The following S1PR1 variants were observed in gnomAD, a reference collection of about 807,000 sequenced individuals.
S1PR1 encodes sphingosine 1-phosphate receptor 1.
A neutral mutation model predicts 18.3 loss-of-function variants in S1PR1; 2 were observed. The observed-to-expected ratio is 0.11, with a 90% CI of 0.04 to 0.34. The LOEUF (loss-of-function observed/expected upper bound fraction) is 0.34, where lower values mean the gene tolerates loss of function less well. Ranked by LOEUF, S1PR1 falls within the 10% of genes least tolerant of loss-of-function variation. The pLI is 1.00. For missense variants in S1PR1, 335 were observed against 493.8 expected (o/e 0.68, Z 3.05); for synonymous variants, 222 against 211.2 (o/e 1.05, Z -0.44).
At position 101,239,348 on chromosome 1, in the gene S1PR1, G is replaced by A. The variant is rs1459080234; in HGVS notation, c.364G>A (p.Gly122Arg). 1.2e-6 allele frequency: 2 copies of A among 1,614,206 alleles called. No individual in the cohort carries two copies. Among genetic ancestry groups the A allele is most frequent in the Non-Finnish European group, 1.7e-6 (2 of 1,180,042 alleles). ...LTPAQWFLRE[G>R]SMFVALSASV... ...TCCCGCCCAGTGGTTTCTGCGGGAA[G>A]GGAGTATGTTTGTGGCCCTGTCAGC... is the stretch of plus-strand genomic sequence containing the variant. The change falls in exon 2 of 2, where the codon GGG becomes AGG. Residue 122 changes from glycine to arginine, a missense_variant. Physicochemically the swap from Gly to Arg is moderately radical, Grantham distance 125. Around this residue, in one of 3 missense-constraint regions of S1PR1, gnomAD observed 214 missense variants for 366.6 expected, o/e 0.58. Transcript: ENST00000305352. This position sits in a 1 kb window ranked among gnomAD's most constrained non-coding sequence, Gnocchi z 6.3.
rs778018608 is a variant in S1PR1, at chr1:101,239,618, C to T, written c.634C>T (p.Leu212=). ...YILFCTTVFT[L]LLLSIVILYC... ...CCTCTTCTGCACCACGGTCTTCACT[C>T]TGCTTCTGCTCTCCATCGTCATTCT... The change falls in exon 2 of 2, where the codon CTG becomes TTG. Residue 212 remains leucine, a synonymous_variant. Coordinates refer to ENST00000305352, the MANE Select transcript of S1PR1 (RefSeq NM_001400.5). The surrounding 1 kb of genome is among the most constrained non-coding windows in gnomAD (Gnocchi z 6.3). 1.2e-6 allele frequency: 2 copies of T among 1,614,028 alleles called. No individual in the cohort carries two copies. Among genetic ancestry groups the T allele is most frequent in the African/African-American group, 2.7e-5 (2 of 74,922 alleles).
chr1:101,241,712 C>T (rs190711051), downstream of S1PR1, among the ~76,000 whole-genome samples: 15 of 152,284 alleles, frequency 9.9e-5, no homozygotes, highest in Non-Finnish European at 1.5e-5. Flanking sequence ...AATAAGTTAA[C>T]ACTGAAGAGT....
Position 101,240,760 on chromosome 1 carries a change from C to T in S1PR1, c.*627C>T, listed in dbSNP as rs766059742. The T allele has an allele frequency of 6.0e-6, 1 of 167,244 alleles. No homozygotes were observed. The highest frequency in any genetic ancestry group is 6.5e-5 in the Admixed American group (1 of 15,284). 10.4% of individuals were successfully genotyped at this position (167,244 alleles called of 1,614,324 possible). On this transcript the variant is annotated 3_prime_UTR_variant, in exon 2 of 2. Transcript: ENST00000305352. Reference sequence around the variant, plus strand: ...ATGGTTTGGAGGTGTAAAACAATGTCCTTCGCTGAGGCCAAAGTTTCCATG... The same window carrying T: ...ATGGTTTGGAGGTGTAAAACAATGTTCTTCGCTGAGGCCAAAGTTTCCATG...
rs201779585 is a variant in S1PR1 at position 101,238,865 on chromosome 1, A to G, written c.-120A>G. On this transcript the variant is annotated 5_prime_UTR_variant, in exon 2 of 2. Transcript: ENST00000305352. ...CTCTCCAGCCAAGGAAAAGCTACAC[A>G]AAAAGCCTGGATCACTCATCGAACC... is the stretch of plus-strand genomic sequence containing the variant. 2.1e-6 allele frequency: 2 copies of G among 968,386 alleles called. No homozygotes were observed. Among genetic ancestry groups the G allele is most frequent in the East Asian group, 2.6e-5 (1 of 38,240 alleles). The allele number at this position is 968,386 out of a possible 1,614,324, so 60.0% of individuals were successfully genotyped here.
At chr1:101,242,144 C>A (rs1652932093), downstream of S1PR1, among the ~76,000 whole-genome samples, 1 of 151,982 alleles carries the variant, frequency 6.6e-6, no homozygotes, top group Non-Finnish European at 1.5e-5. Context: ...ATCTGAAAAC[C>A]TTCAATTCAT....
Position 101,239,578 on chromosome 1 carries a change from C to T in S1PR1, c.594C>T (p.Tyr198=), listed in dbSNP as rs1410607448. ...LSSCSTVLPL[Y]HKHYILFCTT... ...GCTGCTCCACCGTGCTGCCGCTCTA[C>T]CACAAGCACTATATCCTCTTCTGCA... Residue 198 remains tyrosine (Y), a synonymous_variant, in exon 2 of 2, where the codon TAC becomes TAT. Coordinates refer to ENST00000305352, the MANE Select transcript of S1PR1 (RefSeq NM_001400.5). The surrounding 1 kb of genome is among the most constrained non-coding windows in gnomAD (Gnocchi z 6.3). 3 of 1,614,086 alleles carry T rather than the reference C, an allele frequency of 1.9e-6. No homozygotes were observed. Among genetic ancestry groups the T allele is most frequent in the East Asian group, 4.5e-5 (2 of 44,882 alleles).
chr1:101,237,685 GA>G (rs1652754755), intron 1 of S1PR1, among the ~76,000 whole-genome samples: 1 of 152,190 alleles, frequency 6.6e-6, no homozygotes, highest in Non-Finnish European at 1.5e-5. Context: ...CTAGTCCTAG[GA>G]GAGGAGTCAA....
At position 101,239,512 on chromosome 1, in the gene S1PR1, C is replaced by T; in HGVS notation, c.528C>T (p.Gly176=). The change falls in exon 2 of 2, where the codon GGC becomes GGT. Residue 176 remains glycine, a synonymous_variant. Coordinates refer to ENST00000305352, the MANE Select transcript of S1PR1 (RefSeq NM_001400.5). This position sits in a 1 kb window ranked among gnomAD's most constrained non-coding sequence, Gnocchi z 6.3. ...ACWVISLILG[G]LPIMGWNCIS... ...GGGTCATCTCCCTCATCCTGGGTGG[C>T]CTGCCTATCATGGGCTGGAACTGCA... The T allele has an allele frequency of 6.2e-7, 1 of 1,613,986 alleles. No individual in the cohort carries two copies. Among genetic ancestry groups the T allele is most frequent in the Non-Finnish European group, 8.5e-7 (1 of 1,180,020 alleles).
chr1:101,239,061 T>C lies in S1PR1; in HGVS notation c.77T>C (p.Val26Ala). ...GACTACGTCAACTATGATATCATCG[T>C]CCGGCATTACAACTACACGGGAAAG... ...VSDYVNYDII[V>A]RHYNYTGKLN... The change falls in exon 2 of 2, where the codon GTC (valine) becomes GCC (alanine). Residue 26 changes from valine (V) to alanine (A), a missense_variant. Transcript: ENST00000305352. This position sits in a 1 kb window ranked among gnomAD's most constrained non-coding sequence, Gnocchi z 6.3. 6.2e-7 allele frequency: 1 copy of C among 1,614,264 alleles called. No homozygotes were observed. Among genetic ancestry groups the C allele is most frequent in the South Asian group, 1.1e-5 (1 of 91,084 alleles).
rs1652820012 is a variant in S1PR1 at position 101,239,682 on chromosome 1, G to T, written c.698G>T (p.Arg233Leu). The change falls in exon 2 of 2, where the codon CGC (arginine) becomes CTC (leucine). Residue 233 changes from arginine to leucine, a missense_variant. Arg to Leu is a moderately radical substitution (Grantham distance 102, BLOSUM62 -2). This residue lies in a region of S1PR1 where 214 missense variants were observed against 366.6 expected (regional missense o/e 0.58). Coordinates refer to ENST00000305352, the MANE Select transcript of S1PR1 (RefSeq NM_001400.5). This position sits in a 1 kb window ranked among gnomAD's most constrained non-coding sequence, Gnocchi z 6.3. ...RIYSLVRTRS[R>L]RLTFRKNISK... is the part of the protein sequence containing the mutation. ...TACTCCTTGGTCAGGACTCGGAGCCGCCGCCTGACGTTCCGCAAGAACATT... is the reference window on the plus strand; with the variant it reads ...TACTCCTTGGTCAGGACTCGGAGCCTCCGCCTGACGTTCCGCAAGAACATT... The T allele has an allele frequency of 1.9e-6, 3 of 1,613,836 alleles. No individual in the cohort carries two copies. The highest frequency in any genetic ancestry group is 2.5e-6 in the Non-Finnish European group (3 of 1,180,022).
Position 101,240,346 on chromosome 1 carries a change from AGGTCCC to A in S1PR1, c.*216_*221del, listed in dbSNP as rs1652848046. ...CAATGCACTGGGAAGGGTGGAGATC[AGGTCCC>A]GGCCTGGAATATATTTTCTACCCCC... is the stretch of plus-strand genomic sequence containing the variant. On this transcript the variant is annotated 3_prime_UTR_variant, in exon 2 of 2. Coordinates refer to ENST00000305352, the MANE Select transcript of S1PR1 (RefSeq NM_001400.5). 2 of 615,984 alleles carry A rather than the reference AGGTCCC, an allele frequency of 3.2e-6. No homozygotes were observed. The highest frequency in any genetic ancestry group is 4.0e-5 in the South Asian group (2 of 49,592). 38.2% of individuals were successfully genotyped at this position (615,984 alleles called of 1,614,324 possible). A position where few individuals can be genotyped will look rare whatever the true frequency, so the allele number is the denominator to read the frequency against.
intron 1 of S1PR1, chr1:101,238,022 G>A (rs1652763552): frequency 7.3e-6 from 1 of 136,854 alleles, no homozygotes; most frequent in Non-Finnish European, 1.6e-5. Flanking sequence ...GGCGCGGGGG[G>A]AGGCGGGGAG....
chr1:101,239,547 T>C lies in S1PR1; in HGVS notation c.563T>C (p.Leu188Pro). The change falls in exon 2 of 2, where the codon CTG becomes CCG. Residue 188 changes from leucine to proline, a missense_variant. Leu to Pro is a moderately conservative substitution (Grantham distance 98). Coordinates refer to ENST00000305352, the MANE Select transcript of S1PR1 (RefSeq NM_001400.5). This position sits in a 1 kb window ranked among gnomAD's most constrained non-coding sequence, Gnocchi z 6.3. ...ATGGGCTGGAACTGCATCAGTGCGC[T>C]GTCCAGCTGCTCCACCGTGCTGCCG... Reference protein sequence around the residue: ...PIMGWNCISALSSCSTVLPLY... With the variant: ...PIMGWNCISAPSSCSTVLPLY... 6.2e-7 allele frequency: 1 copy of C among 1,614,052 alleles called. No homozygotes were observed.
downstream of S1PR1, among the ~76,000 whole-genome samples, chr1:101,241,802 C>A (rs560870693): frequency 6.6e-6 from 1 of 152,238 alleles, no homozygotes; most frequent in African/African-American, 2.4e-5. Context: ...TTTTAAACTG[C>A]ATTTAAGCCA....
chr1:101,238,799 C>A lies in S1PR1; in HGVS notation c.-163-23C>A, dbSNP rs1380600707. On this transcript the variant is annotated intron_variant, in intron 1 of 1. Transcript: ENST00000305352. ...CAGTATGCTGTGGCTCTTTCCCTGACTCTCTCCTCTGACTTGTTTAAGGCT... is the reference window on the plus strand; with the variant it reads ...CAGTATGCTGTGGCTCTTTCCCTGAATCTCTCCTCTGACTTGTTTAAGGCT... 8.3e-6 allele frequency: 5 copies of A among 605,626 alleles called. No homozygotes were observed. The Admixed American group carries it at 1.5e-4, about 18-fold the overall frequency. The allele number at this position is 605,626 out of a possible 1,614,324, so 37.5% of individuals were successfully genotyped here.
intron 1 of S1PR1, 79 bp from the exon 2 acceptor site, chr1:101,238,743 G>A: frequency 2.0e-6 from 1 of 508,118 alleles, no homozygotes; most frequent in Non-Finnish European, 3.5e-6. Flanking sequence ...CAACACAATT[G>A]GAGCAGTGCC....
Position 101,239,225 on chromosome 1 carries a change from T to C in S1PR1, c.241T>C (p.Tyr81His). 6.2e-7 allele frequency: 1 copy of C among 1,614,226 alleles called. No individual in the cohort carries two copies. The highest frequency in any genetic ancestry group is 8.5e-7 in the Non-Finnish European group (1 of 1,180,040). The change falls in exon 2 of 2, where the codon TAC becomes CAC. Residue 81 changes from tyrosine to histidine, a missense_variant. By Grantham distance (83) the Tyr-to-His change is moderately conservative. Transcript: ENST00000305352. The surrounding 1 kb of genome is among the most constrained non-coding windows in gnomAD (Gnocchi z 6.3). ...AACCAAGAAATTCCACCGACCCATG[T>C]ACTATTTTATTGGCAATCTGGCCCT... ...WKTKKFHRPM[Y>H]YFIGNLALSD...
In S1PR1 at chr1:101,239,444, G is replaced by A. The variant is rs909819900; in HGVS notation, c.460G>A (p.Gly154Arg). ...ITMLKMKLHNGSNNFRLFLLI... is the reference protein window; with the variant it reads ...ITMLKMKLHNRSNNFRLFLLI... The stretch of plus-strand genomic sequence containing the variant: ...AATGCTGAAAATGAAACTCCACAAC[G>A]GGAGCAATAACTTCCGCCTCTTCCT... Residue 154 changes from glycine to arginine, a missense_variant, in exon 2 of 2, where the codon GGG becomes AGG. Transcript: ENST00000305352. The surrounding 1 kb of genome is among the most constrained non-coding windows in gnomAD (Gnocchi z 6.3). 2.5e-6 allele frequency: 4 copies of A among 1,613,976 alleles called. No homozygotes were observed. The highest frequency in any genetic ancestry group is 3.4e-6 in the Non-Finnish European group (4 of 1,180,040).
In S1PR1 at chr1:101,239,383, C is replaced by T. The variant is rs1263897175; in HGVS notation, c.399C>T (p.Phe133=). The T allele has an allele frequency of 6.2e-7, 1 of 1,614,186 alleles. No homozygotes were observed. Residue 133 remains phenylalanine, a synonymous_variant, in exon 2 of 2, where the codon TTC becomes TTT. Transcript: ENST00000305352. This position sits in a 1 kb window ranked among gnomAD's most constrained non-coding sequence, Gnocchi z 6.3. ...TTGTGGCCCTGTCAGCCTCCGTGTT[C>T]AGTCTCCTCGCCATCGCCATTGAGC... ...SMFVALSASV[F]SLLAIAIERY... is the part of the protein sequence containing the mutation.
Sources: allele counts gnomAD v4.1 joint callset (sites outside exome capture counted in the v4.1 genomes callset), GRCh38; gene constraint gnomAD v4.1.1; regional missense constraint gnomAD v4.1.1; non-coding constraint Gnocchi (gnomAD v3.1); transcripts MANE v1.5; gene names NCBI Gene and HGNC (gene_info 2026-07-23, HGNC 2026-07-21).